Variants in RALGAPA2 observed in about 807,000 individuals in gnomAD.
RALGAPA2 encodes ral GTPase-activating protein subunit alpha-2.
Under a neutral mutation model 230.4 loss-of-function variants are expected in RALGAPA2, and 139 were observed. The ratio of observed to expected loss-of-function variants is 0.60; its 90% CI spans 0.53 to 0.69. The LOEUF is 0.69. RALGAPA2 is among the 30% of genes least tolerant of loss of function. The pLI is 0.00. For synonymous variants in RALGAPA2, 847 were observed against 837.8 expected, an observed-to-expected ratio of 1.01 and a Z score of -0.19; for missense variants, 2,163 against 2,276.0, an observed-to-expected ratio of 0.95 and a Z score of 1.01.
intron 37 of RALGAPA2, among the ~76,000 whole-genome samples, chr20:20,460,887 G>C (rs565992738): frequency 6.6e-6 from 1 of 152,206 alleles, no homozygotes; most frequent in South Asian, 2.1e-4. Context: ...AATCCAGAGA[G>C]AAGGAGTGTG....
Position 20,512,503 on chromosome 20 carries a change from G to C in RALGAPA2, c.4856+10C>G. The C allele has an allele frequency of 1.3e-6, 2 of 1,573,402 alleles. No individual in the cohort carries two copies. The highest frequency in any genetic ancestry group is 1.7e-6 in the Non-Finnish European group (2 of 1,162,560). ...GATAAAATAACTGGAGGTCTAGCTTGGATTGTTACCTTCTGTCCCAAGAAT... is the reference window on the plus strand; with the variant it reads ...GATAAAATAACTGGAGGTCTAGCTTCGATTGTTACCTTCTGTCCCAAGAAT... On this transcript the variant is annotated intron_variant, in intron 32 of 39. Coordinates refer to ENST00000202677, the MANE Select transcript of RALGAPA2 (RefSeq NM_020343.4).
chr20:20,470,127 C>G (rs191607231), intron 37 of RALGAPA2, among the ~76,000 whole-genome samples: 1 of 152,146 alleles, frequency 6.6e-6, no homozygotes, highest in Non-Finnish European at 1.5e-5. Flanking sequence ...ACTGTTAACT[C>G]AGCCAAGGGC....
chr20:20,611,411 T>C lies in RALGAPA2; in HGVS notation c.1704A>G (p.Gln568=). The change falls in exon 14 of 40, where the codon CAA becomes CAG. Residue 568 remains glutamine (Q), a synonymous_variant. Transcript: ENST00000202677. The stretch of plus-strand genomic sequence containing the variant: ...CAGCTTCTGTTATCCTGAGTAGTAT[T>C]TGCAACATCTGTTCCCTGGGCCACC... ...MNKKTWEQML[Q]ILLRITEAVM... 6.2e-7 allele frequency: 1 copy of C among 1,612,720 alleles called. No individual in the cohort carries two copies. The highest frequency in any genetic ancestry group is 8.5e-7 in the Non-Finnish European group (1 of 1,179,114).
chr20:20,492,125 TTAA>T (rs1420723293), intron 36 of RALGAPA2, among the ~76,000 whole-genome samples: 1 of 152,212 alleles, frequency 6.6e-6, no homozygotes, highest in Non-Finnish European at 1.5e-5. Flanking sequence ...ACATACGCTA[TTAA>T]TGAGGCCGAG....
intron 37 of RALGAPA2, among the ~76,000 whole-genome samples, chr20:20,433,226 C>A (rs2060535876): frequency 2.6e-5 from 4 of 152,208 alleles, no homozygotes; most frequent in Admixed American, 2.6e-4. Flanking sequence ...GTTACTCTCA[C>A]TTTATAGCTG....
At chr20:20,674,188 A>AAATAAT (rs72521913) in intron 3 of RALGAPA2, among the ~76,000 whole-genome samples, 3,959 of 146,258 alleles carry the variant, frequency 0.027, 64 homozygotes, top group Middle Eastern at 0.032. Flanking sequence ...ACCCTGACTC[A>AAATAAT]AATAATAATA....
intron 35 of RALGAPA2, among the ~76,000 whole-genome samples, chr20:20,501,916 G>T (rs892095152): frequency 6.6e-6 from 1 of 152,136 alleles, no homozygotes; most frequent in African/African-American, 2.4e-5. Context: ...ACGGCCGGTG[G>T]GTGGAGCAGT....
At chr20:20,496,356 A>G (rs1442677057) in intron 35 of RALGAPA2, among the ~76,000 whole-genome samples, 1 of 152,170 alleles carries the variant, frequency 6.6e-6, no homozygotes, top group African/African-American at 2.4e-5. Flanking sequence ...AAAGCTGCAC[A>G]CGAAATCATT....
In RALGAPA2 at chr20:20,427,416, C is replaced by T. The variant is rs530840403; in HGVS notation, c.5496-15268G>A. On this transcript the variant is annotated intron_variant, in intron 37 of 39. Coordinates refer to ENST00000202677, the MANE Select transcript of RALGAPA2 (RefSeq NM_020343.4). ...TGCCATTCTGCTTGCGGGGTGGGAG[C>T]GTCTGCAGCACAGCACATCAGCCCT... Among the ~76,000 whole-genome samples the T allele has an allele frequency of 2.0e-5, 3 of 152,008 alleles. No homozygotes were observed. In the East Asian group the frequency reaches 5.8e-4, roughly 30 times the overall value.
At chr20:20,647,328 A>G (rs2146560204) in intron 4 of RALGAPA2, among the ~76,000 whole-genome samples, 1 of 152,350 alleles carries the variant, frequency 6.6e-6, no homozygotes, top group South Asian at 2.1e-4. Flanking sequence ...GAAGCAAGAA[A>G]GAGAGAAACT....
At chr20:20,516,443 A>G (rs901675054) in intron 31 of RALGAPA2, among the ~76,000 whole-genome samples, 2 of 152,232 alleles carry the variant, frequency 1.3e-5, no homozygotes, top group African/African-American at 4.8e-5. Flanking sequence ...TACAGCATCT[A>G]CAGATGGAAT....
chr20:20,535,890 C>A, intron 25 of RALGAPA2, 87 bp from the exon 26 acceptor site: 2 of 1,463,908 alleles, frequency 1.4e-6, no homozygotes, highest in Non-Finnish European at 1.8e-6. Flanking sequence ...CAGCCAGGAG[C>A]TACTGAAGTT....
At chr20:20,467,085 C>T (rs1488855290) in intron 37 of RALGAPA2, among the ~76,000 whole-genome samples, 1 of 152,174 alleles carries the variant, frequency 6.6e-6, no homozygotes, top group Non-Finnish European at 1.5e-5. Flanking sequence ...CGAAACCATA[C>T]AAGACACACA....
At chr20:20,583,700 G>A (rs1028513684) in intron 19 of RALGAPA2, among the ~76,000 whole-genome samples, 10 of 152,184 alleles carry the variant, frequency 6.6e-5, no homozygotes, top group African/African-American at 2.4e-4. Flanking sequence ...GTCATCTGGG[G>A]ATATAGTGTC....
At chr20:20,487,929 A>G (rs796538388) in intron 36 of RALGAPA2, among the ~76,000 whole-genome samples, 2 of 151,500 alleles carry the variant, frequency 1.3e-5, no homozygotes, top group African/African-American at 4.9e-5. Context: ...AAAAAAAAAA[A>G]GTTTTTCTTG....
chr20:20,461,887 A>C (rs1322470658), intron 37 of RALGAPA2, among the ~76,000 whole-genome samples: 1 of 152,184 alleles, frequency 6.6e-6, no homozygotes, highest in Admixed American at 6.5e-5. Flanking sequence ...GGAGAACCAA[A>C]GGGACTTGGC....
intron 34 of RALGAPA2, among the ~76,000 whole-genome samples, chr20:20,504,035 A>G (rs2062457698): frequency 6.6e-6 from 1 of 152,204 alleles, no homozygotes; most frequent in South Asian, 2.1e-4. Flanking sequence ...ATGAGTGTTC[A>G]CTTCTTAGTG....
chr20:20,633,094 C>T (rs1272356913), intron 9 of RALGAPA2, among the ~76,000 whole-genome samples: 4 of 146,530 alleles, frequency 2.7e-5, no homozygotes, highest in African/African-American at 1.0e-4. Context: ...CCTTTCCTTC[C>T]TCCCTCCCTT....
intron 16 of RALGAPA2, among the ~76,000 whole-genome samples, chr20:20,593,342 G>T (rs963691247): frequency 2.6e-5 from 4 of 152,208 alleles, no homozygotes; most frequent in African/African-American, 9.6e-5. Context: ...GAACAGCCAA[G>T]AACTGTTCAT....
Sources: gnomAD v4.1 joint callset for allele counts (sites outside exome capture counted in the v4.1 genomes callset) on GRCh38, gnomAD v4.1.1 for gene constraint, MANE v1.5 for transcripts, NCBI Gene and HGNC (gene_info 2026-07-23, HGNC 2026-07-21) for gene names.